The following CAAP1 variants were observed in gnomAD, a reference collection of about 807,000 sequenced individuals.
The protein encoded by CAAP1 is caspase activity and apoptosis inhibitor 1.
Under a neutral mutation model 34.0 loss-of-function variants are expected in CAAP1, and 20 were observed. That is an observed-to-expected ratio of 0.59 (90% confidence interval 0.41 to 0.86). The LOEUF (loss-of-function observed/expected upper bound fraction) is 0.86. Among genes scored for constraint, CAAP1 ranks in the 40% least tolerant of loss-of-function variants. CAAP1 has a pLI of 0.00. For synonymous variants in CAAP1, 213 were observed against 166.7 expected, an observed-to-expected ratio of 1.28 and a Z score of -2.14; for missense variants, 538 against 450.5, an observed-to-expected ratio of 1.19 and a Z score of -1.76.
At chr9:26,861,185 CATA>C (rs1288338156) in intron 4 of CAAP1, 46 bp from the exon 5 acceptor site, 10 of 1,389,714 alleles carry the variant, frequency 7.2e-6, no homozygotes, top group Non-Finnish European at 1.0e-5. Flanking sequence ...TATTTAATCA[CATA>C]ATATTTACTA....
At chr9:26,860,925 G>A in intron 5 of CAAP1, 141 bp downstream of exon 5, 1 of 651,116 alleles carries the variant, frequency 1.5e-6, no homozygotes, top group Non-Finnish European at 2.8e-6. Context: ...GAATCATGAA[G>A]TGACTGATTT....
Position 26,892,641 on chromosome 9 carries a change from G to A in CAAP1, c.75C>T (p.Ala25=). 2 of 1,608,362 alleles carry A rather than the reference G, an allele frequency of 1.2e-6. No homozygotes were observed. The highest frequency in any genetic ancestry group is 1.1e-5 in the South Asian group (1 of 90,988). Residue 25 remains alanine, a synonymous_variant, in exon 1 of 6, where the codon GCC becomes GCT. Transcript: ENST00000333916. ...SSQEAAAALA[A]PDIVPALASG... is the part of the protein sequence containing the mutation. Reference sequence around the variant, plus strand: ...TGGCCAACGCGGGTACGATGTCCGGGGCCGCGAGCGCTGCGGCCGCCTCCT... The same window carrying A: ...TGGCCAACGCGGGTACGATGTCCGGAGCCGCGAGCGCTGCGGCCGCCTCCT...
At chr9:26,851,636 TAA>T (rs1348934330) in intron 5 of CAAP1, among the ~76,000 whole-genome samples, 2 of 152,144 alleles carry the variant, frequency 1.3e-5, no homozygotes, top group Admixed American at 1.3e-4. Context: ...TGAAAGTAAA[TAA>T]AAAACTGTTT....
intron 4 of CAAP1, among the ~76,000 whole-genome samples, chr9:26,862,346 A>T (rs1211419153): frequency 2.0e-5 from 3 of 152,108 alleles, no homozygotes. Flanking sequence ...TCCTTTAGAG[A>T]AAACGTTTGC....
intron 4 of CAAP1, among the ~76,000 whole-genome samples, chr9:26,864,819 T>C (rs1823093163): frequency 6.6e-6 from 1 of 152,258 alleles, no homozygotes; most frequent in Non-Finnish European, 1.5e-5. Context: ...GGTTTCAAAA[T>C]GTGGAATGCT....
Position 26,892,759 on chromosome 9 carries a change from G to A in CAAP1, c.-44C>T, listed in dbSNP as rs1010240154. 71 of 1,528,488 alleles carry A rather than the reference G, an allele frequency of 4.6e-5. No individual in the cohort carries two copies. The highest frequency in any genetic ancestry group is 6.0e-5 in the Non-Finnish European group (69 of 1,141,988). The allele number at this position is 1,528,488 out of a possible 1,614,324, so 94.7% of individuals were successfully genotyped here. ...ATCGGAGGAAAGTCCGCTGTCTCTG[G>A]TGCGACCGAAGCCCGACTCCTGCGG... On this transcript the variant is annotated 5_prime_UTR_variant, in exon 1 of 6. Coordinates refer to ENST00000333916, the MANE Select transcript of CAAP1 (RefSeq NM_024828.4).
chr9:26,884,937 A>T, intron 3 of CAAP1, 52 bp from the exon 4 acceptor site: 1 of 1,279,060 alleles, frequency 7.8e-7, no homozygotes, highest in Non-Finnish European at 1.1e-6. Flanking sequence ...CATTAAAATG[A>T]TGCAATCATG....
intron 1 of CAAP1, chr9:26,892,124 T>C (rs1372961919): frequency 1.5e-5 from 10 of 669,010 alleles, no homozygotes; most frequent in Admixed American, 3.7e-5. Context: ...TTCCAACTCG[T>C]ATTCTTCCGG....
intron 4 of CAAP1, among the ~76,000 whole-genome samples, chr9:26,867,229 A>G (rs1823161511): frequency 6.6e-6 from 1 of 152,188 alleles, no homozygotes; most frequent in African/African-American, 2.4e-5. Context: ...TCGCTGCTCT[A>G]TAGAAGACAC....
chr9:26,870,128 C>T (rs1331519002), intron 4 of CAAP1, among the ~76,000 whole-genome samples: 2 of 150,352 alleles, frequency 1.3e-5, no homozygotes. Context: ...CACAGGGAAA[C>T]CGTTGCCAAG....
At chr9:26,847,196 ATATTTTTTTTTTTTTT>A (rs1587087385) in intron 5 of CAAP1, among the ~76,000 whole-genome samples, 2 of 63,004 alleles carry the variant, frequency 3.2e-5, no homozygotes, top group East Asian at 6.0e-4. Context: ...GTAAAAAGCA[ATATTTTTTTTTTTTTT>A]TTTTTTTTTT....
intron 4 of CAAP1, among the ~76,000 whole-genome samples, chr9:26,863,959 T>G (rs931158333): frequency 1.2e-4 from 18 of 152,110 alleles, no homozygotes; most frequent in African/African-American, 3.9e-4. Flanking sequence ...GCCCGGCTAA[T>G]TTTTTTAAGT....
intron 4 of CAAP1, chr9:26,870,096 T>C (rs1434460412): frequency 7.8e-6 from 2 of 257,878 alleles, no homozygotes; most frequent in Non-Finnish European, 1.2e-5. Context: ...TAACAATGCT[T>C]CCCAAGTCCC....
intron 4 of CAAP1, chr9:26,880,154 G>C (rs985080353): frequency 4.3e-6 from 1 of 233,234 alleles, no homozygotes; most frequent in Non-Finnish European, 8.6e-6. Flanking sequence ...TTTCTTAAAA[G>C]GATGTTCTCC....
At chr9:26,854,335 G>C (rs1563880456) in intron 5 of CAAP1, among the ~76,000 whole-genome samples, 1 of 152,106 alleles carries the variant, frequency 6.6e-6, no homozygotes, top group African/African-American at 2.4e-5. Context: ...ACTTGCCCTA[G>C]GTTCACATAG....
intron 4 of CAAP1, among the ~76,000 whole-genome samples, chr9:26,874,563 T>C (rs1466189521): frequency 6.6e-6 from 1 of 152,172 alleles, no homozygotes; most frequent in Admixed American, 6.5e-5. Flanking sequence ...TAACCACCTT[T>C]CTATTAATTA....
At position 26,851,347 on chromosome 9, in the gene CAAP1, G is replaced by A. The variant is rs112665979; in HGVS notation, c.740-8700C>T. On this transcript the variant is annotated intron_variant, in intron 5 of 5. Transcript: ENST00000333916. ...ACAGAAGAGGAAACTGCAAGTGTGA[G>A]GGACAGAATGGGCACAAGCAAAATG... 1.7e-3 allele frequency among the ~76,000 whole-genome samples: 264 copies of A among 152,276 alleles called. 3 individuals are homozygous for A. The highest frequency in any genetic ancestry group is 6.0e-3 in the African/African-American group (250 of 41,548).
rs757019035 is a variant in CAAP1 at position 26,842,569 on chromosome 9, T to C, written c.818A>G (p.Glu273Gly). 4 of 1,614,196 alleles carry C rather than the reference T, an allele frequency of 2.5e-6. No homozygotes were observed. The highest frequency in any genetic ancestry group is 1.7e-6 in the Non-Finnish European group (2 of 1,180,040). The change falls in exon 6 of 6, where the codon GAA (glutamate) becomes GGA (glycine). Residue 273 changes from glutamate (E) to glycine (G), a missense_variant. By Grantham distance (98) the Glu-to-Gly change is moderately conservative. This residue lies in a region of CAAP1 where 514 missense variants were observed against 408.4 expected (regional missense o/e 1.26). Transcript: ENST00000333916. ...TTCTGGTGCCTCGGGAGCAGCTGCT[T>C]CTTCGTTGCATGGGCCTTCTATGTC... Reference protein sequence around the residue: ...DSDIEGPCNEEAAAPEAPENT... With the variant: ...DSDIEGPCNEGAAAPEAPENT...
intron 4 of CAAP1, among the ~76,000 whole-genome samples, chr9:26,877,301 ATC>A (rs957955890): frequency 1.3e-5 from 2 of 152,226 alleles, no homozygotes; most frequent in African/African-American, 4.8e-5. Flanking sequence ...TGAAAAAAAA[ATC>A]TGAAATCCAA....
Sources: gnomAD v4.1 joint callset for allele counts (sites outside exome capture counted in the v4.1 genomes callset) on GRCh38, gnomAD v4.1.1 for gene constraint, gnomAD v4.1.1 regional missense constraint, MANE v1.5 for transcripts, NCBI Gene and HGNC (gene_info 2026-07-23, HGNC 2026-07-21) for gene names.